ASAP3: variants seen among roughly 807,000 people sequenced by gnomAD.
ASAP3 encodes arf-GAP with SH3 domain, ANK repeat and PH domain-containing protein 3.
Under a neutral mutation model 118.2 loss-of-function variants are expected in ASAP3, and 85 were observed. The ratio of observed to expected loss-of-function variants is 0.72; its 90% CI spans 0.60 to 0.86. ASAP3 has a LOEUF of 0.86. ASAP3 is among the 40% of genes least tolerant of loss of function. The pLI is 0.00. For synonymous variants in ASAP3, 432 were observed against 477.4 expected, an observed-to-expected ratio of 0.90 and a Z score of 1.24; for missense variants, 1,026 against 1,175.0, an observed-to-expected ratio of 0.87 and a Z score of 1.85.
chr1:23,448,939 C>A (rs1449834312), intron 5 of ASAP3, among the ~76,000 whole-genome samples: 1 of 152,256 alleles, frequency 6.6e-6, no homozygotes, highest in East Asian at 1.9e-4. Context: ...GGTGCCTAAG[C>A]CTTAGGGGCA....
At chr1:23,453,956 A>G (rs1256037208) in intron 3 of ASAP3, among the ~76,000 whole-genome samples, 1 of 152,166 alleles carries the variant, frequency 6.6e-6, no homozygotes, top group Non-Finnish European at 1.5e-5. Context: ...AGGAAACACT[A>G]GTTTGACTGA....
At chr1:23,482,014 C>T (rs1642321557) in intron 1 of ASAP3, among the ~76,000 whole-genome samples, 1 of 152,208 alleles carries the variant, frequency 6.6e-6, no homozygotes, top group Non-Finnish European at 1.5e-5. Context: ...CCCACATCCA[C>T]AGGCAGTGGA....
In ASAP3 at chr1:23,429,762, G is replaced by C; in HGVS notation, c.*94C>G. ...AAGGGACAGAGAGAGTGAGATCCAA[G>C]AGAACAAATGTCTCAGCTCCCCAGT... On this transcript the variant is annotated 3_prime_UTR_variant, in exon 25 of 25. Coordinates refer to ENST00000336689, the MANE Select transcript of ASAP3 (RefSeq NM_017707.4). 2.3e-6 allele frequency: 3 copies of C among 1,277,000 alleles called. No homozygotes were observed. Among genetic ancestry groups the C allele is most frequent in the Non-Finnish European group, 3.3e-6 (3 of 913,102 alleles). The allele number at this position is 1,277,000 out of a possible 1,614,324, so 79.1% of individuals were successfully genotyped here. A position where few individuals can be genotyped will look rare whatever the true frequency, so the allele number is the denominator to read the frequency against.
intron 10 of ASAP3, among the ~76,000 whole-genome samples, chr1:23,440,500 C>CAAAAAAAAAAAAAA (rs35344912): frequency 8.2e-5 from 2 of 24,316 alleles, no homozygotes; most frequent in African/African-American, 4.1e-4. Context: ...GACTCCATCT[C>CAAAAAAAAAAAAAA]AAAAAAAAAA....
intron 1 of ASAP3, among the ~76,000 whole-genome samples, chr1:23,470,167 C>T (rs1198568449): frequency 6.6e-6 from 1 of 152,160 alleles, no homozygotes; most frequent in East Asian, 1.9e-4. Context: ...GTTTCCTCAT[C>T]TGTCCAATTT....
chr1:23,433,149 A>G lies in ASAP3; in HGVS notation c.2251T>C (p.Cys751Arg). 1.2e-6 allele frequency: 2 copies of G among 1,614,168 alleles called. No individual in the cohort carries two copies. The highest frequency in any genetic ancestry group is 1.7e-6 in the Non-Finnish European group (2 of 1,180,028). The change falls in exon 22 of 25, where the codon TGT (cysteine) becomes CGT (arginine). Residue 751 changes from cysteine (C) to arginine (R), a missense_variant. By Grantham distance (180) the Cys-to-Arg change is radical. Coordinates refer to ENST00000336689, the MANE Select transcript of ASAP3 (RefSeq NM_017707.4). ...TTTTTGACTGGCAAGGGCGGGGGACAGTCCTCACTCTCGCCCTGAGGGGTG... is the reference window on the plus strand; with the variant it reads ...TTTTTGACTGGCAAGGGCGGGGGACGGTCCTCACTCTCGCCCTGAGGGGTG... ...AATPQGESEDCPPPLPVKNSS... is the reference protein window; with the variant it reads ...AATPQGESEDRPPPLPVKNSS...
At chr1:23,475,565 T>C (rs1036397509) in intron 1 of ASAP3, among the ~76,000 whole-genome samples, 3 of 152,220 alleles carry the variant, frequency 2.0e-5, no homozygotes, top group Admixed American at 6.5e-5. Context: ...ACGGTCTCGA[T>C]GCTAACAGCT....
Position 23,437,106 on chromosome 1 carries a change from C to A in ASAP3, c.1342+24G>T. On this transcript the variant is annotated intron_variant, in intron 14 of 24. Transcript: ENST00000336689. The surrounding 1 kb of genome is among the most constrained non-coding windows in gnomAD (Gnocchi z 6.1). ...CCCTCCCCTCCACTTAAGCCTCCCT[C>A]CTGCCCCGGCCCCGGGGACCGACCT... 6.2e-7 allele frequency: 1 copy of A among 1,601,132 alleles called. No individual in the cohort carries two copies. The highest frequency in any genetic ancestry group is 2.3e-5 in the East Asian group (1 of 44,248).
intron 18 of ASAP3, 81 bp from the exon 19 acceptor site, chr1:23,434,450 G>T: frequency 6.2e-7 from 1 of 1,600,566 alleles, no homozygotes; most frequent in Non-Finnish European, 8.6e-7. Context: ...AGTGGGAGGG[G>T]AAAGGAGGGA....
intron 1 of ASAP3, among the ~76,000 whole-genome samples, chr1:23,472,175 C>T (rs1274491788): frequency 6.6e-6 from 1 of 152,118 alleles, no homozygotes; most frequent in Non-Finnish European, 1.5e-5. Context: ...CTACACAACA[C>T]TGTGAATATA....
At chr1:23,475,981 A>G (rs1642114035) in intron 1 of ASAP3, among the ~76,000 whole-genome samples, 1 of 151,680 alleles carries the variant, frequency 6.6e-6, no homozygotes, top group South Asian at 2.1e-4. Flanking sequence ...AAAAAAAAAT[A>G]GAATTCTTGA....
chr1:23,438,862 AT>A lies in ASAP3; in HGVS notation c.1015-29del. ...GTGGGAATTTAGGGGCGGAGGATGT[AT>A]GCATTACCTCTGGCCCTCCACATTC... On this transcript the variant is annotated intron_variant, in intron 11 of 24. Coordinates refer to ENST00000336689, the MANE Select transcript of ASAP3 (RefSeq NM_017707.4). The surrounding 1 kb of genome is among the most constrained non-coding windows in gnomAD (Gnocchi z 4.9). The A allele has an allele frequency of 6.2e-7, 1 of 1,604,732 alleles. No individual in the cohort carries two copies. Among genetic ancestry groups the A allele is most frequent in the African/African-American group, 1.3e-5 (1 of 74,842 alleles).
intron 17 of ASAP3, 28 bp from the exon 18 acceptor site, chr1:23,434,646 T>G (rs1640569330): frequency 6.2e-7 from 1 of 1,601,928 alleles, no homozygotes; most frequent in Non-Finnish European, 8.5e-7. Context: ...CCTCTGAGAT[T>G]CCCCCCCCAG....
chr1:23,457,328 A>T (rs927261171), intron 1 of ASAP3, among the ~76,000 whole-genome samples: 5 of 152,234 alleles, frequency 3.3e-5, no homozygotes, highest in Admixed American at 1.3e-4. Flanking sequence ...GACAAGAGTT[A>T]GTAAACACAT....
intron 2 of ASAP3, 31 bp from the exon 3 acceptor site, chr1:23,456,057 AGCT>A: frequency 6.2e-7 from 1 of 1,614,030 alleles, no homozygotes; most frequent in Non-Finnish European, 8.5e-7. Context: ...GCTTGGAGTT[AGCT>A]CCAGGCTGGG....
rs978195130 is a variant in ASAP3 at position 23,429,071 on chromosome 1, C to G, written c.*785G>C. The stretch of plus-strand genomic sequence containing the variant: ...TCAAGGACACAGGCAAATGTGGGTG[C>G]ATCTGACTCTACAATTTGGCTGGGG... On this transcript the variant is annotated 3_prime_UTR_variant, in exon 25 of 25. Coordinates refer to ENST00000336689, the MANE Select transcript of ASAP3 (RefSeq NM_017707.4). 1 of 154,532 alleles carries G rather than the reference C, an allele frequency of 6.5e-6. No individual in the cohort carries two copies. Among genetic ancestry groups the G allele is most frequent in the Middle Eastern group, 6.0e-4 (1 of 1,658 alleles). The allele number at this position is 154,532 out of a possible 1,614,324, so 9.6% of individuals were successfully genotyped here.
At chr1:23,473,132 T>A (rs1338004926) in intron 1 of ASAP3, among the ~76,000 whole-genome samples, 1 of 152,182 alleles carries the variant, frequency 6.6e-6, no homozygotes, top group Non-Finnish European at 1.5e-5. Context: ...AAATATGGCT[T>A]AATGGATTAC....
In ASAP3 at chr1:23,441,198, C is replaced by T. The variant is rs764768097; in HGVS notation, c.848G>A (p.Arg283Gln). 194 of 1,614,060 alleles carry T rather than the reference C, an allele frequency of 1.2e-4. No individual in the cohort carries two copies. Among genetic ancestry groups the T allele is most frequent in the Non-Finnish European group, 1.6e-4 (186 of 1,180,050 alleles). ...GCTATAGCCACATCCTGAGTTCTTC[C>T]GGCTCAGGTGTTCCTGTCCCTCGGA... ...QLESREEHLS[R>Q]KNSGCGYSIH... is the part of the protein sequence containing the mutation. Residue 283 changes from arginine (R) to glutamine (Q), a missense_variant, in exon 10 of 25, where the codon CGG becomes CAG. Physicochemically the swap from Arg to Gln is conservative, Grantham distance 43. Coordinates refer to ENST00000336689, the MANE Select transcript of ASAP3 (RefSeq NM_017707.4).
At chr1:23,468,030 T>C (rs1023504757) in intron 1 of ASAP3, among the ~76,000 whole-genome samples, 1 of 151,978 alleles carries the variant, frequency 6.6e-6, no homozygotes, top group Non-Finnish European at 1.5e-5. Flanking sequence ...GTAAGGGAGT[T>C]TGACACCCAC....
Sources: gnomAD v4.1 joint callset for allele counts (sites outside exome capture counted in the v4.1 genomes callset) on GRCh38, gnomAD v4.1.1 for gene constraint, Gnocchi (gnomAD v3.1) non-coding constraint, MANE v1.5 for transcripts, NCBI Gene and HGNC (gene_info 2026-07-23, HGNC 2026-07-21) for gene names.